The following DHX32 variants were observed in gnomAD, a reference collection of about 807,000 sequenced individuals.
DHX32 encodes DEAH-box helicase 32 (putative).
In DHX32, 51 loss-of-function variants were observed where a neutral mutation model predicts 70.0. The ratio of observed to expected loss-of-function variants is 0.73; its 90% CI spans 0.58 to 0.92. The LOEUF is 0.92. DHX32 is among the 40% of genes least tolerant of loss of function. The pLI is 0.00. For missense variants in DHX32, 762 were observed against 891.8 expected (o/e 0.85, Z 1.85); for synonymous variants, 310 against 315.3 (o/e 0.98, Z 0.18).
At chr10:125,895,347 T>A (rs934868887) in intron 1 of DHX32, among the ~76,000 whole-genome samples, 1 of 152,274 alleles carries the variant, frequency 6.6e-6, no homozygotes, top group Admixed American at 6.5e-5. Context: ...AAGTACTGTC[T>A]GGAGCAGCGG....
At chr10:125,892,357 T>A (rs1385867189) in intron 1 of DHX32, among the ~76,000 whole-genome samples, 1 of 152,312 alleles carries the variant, frequency 6.6e-6, no homozygotes, top group Non-Finnish European at 1.5e-5. Flanking sequence ...GTCATTTGAG[T>A]GTTGCCAGTG....
chr10:125,878,753 G>A (rs1449340890), intron 1 of DHX32, among the ~76,000 whole-genome samples: 1 of 150,280 alleles, frequency 6.7e-6, no homozygotes, highest in Non-Finnish European at 1.5e-5. Context: ...CTGTCACCCA[G>A]GCTGGAGTGC....
chr10:125,867,757 A>T (rs558094340), intron 1 of DHX32, among the ~76,000 whole-genome samples: 1 of 135,842 alleles, frequency 7.4e-6, no homozygotes, highest in Non-Finnish European at 1.7e-5. Flanking sequence ...AAAAAAAATC[A>T]AGGACAAAAA....
chr10:125,872,122 A>G (rs1471227309), intron 1 of DHX32, among the ~76,000 whole-genome samples: 3 of 152,150 alleles, frequency 2.0e-5, no homozygotes. Flanking sequence ...TCGGCCTCCC[A>G]AAGTGCTGGG....
intron 1 of DHX32, among the ~76,000 whole-genome samples, chr10:125,868,625 A>G (rs1419289154): frequency 2.0e-5 from 3 of 152,200 alleles, no homozygotes; most frequent in Admixed American, 6.5e-5. Flanking sequence ...ACTTTGTTCT[A>G]TGAAAGATGA....
Position 125,867,193 on chromosome 10 carries a change from GA to G in DHX32, c.283-11del. 1 of 1,579,494 alleles carries G rather than the reference GA, an allele frequency of 6.3e-7. No homozygotes were observed. The highest frequency in any genetic ancestry group is 8.6e-7 in the Non-Finnish European group (1 of 1,161,480). On this transcript the variant is annotated splice_polypyrimidine_tract_variant and intron_variant, in intron 1 of 10. Transcript: ENST00000284690. ...CACACCACTGAGGAACCTGTAGCAG[GA>G]AAAAATGAGACAGGATCAGCTTCTG...
rs775767179 is a variant in DHX32, at chr10:125,839,157, G to A, written c.1725C>T (p.Phe575=). The A allele has an allele frequency of 2.5e-6, 4 of 1,614,230 alleles. 1 individual carries two copies. Among genetic ancestry groups the A allele is most frequent in the South Asian group, 2.2e-5 (2 of 91,088 alleles). Reference sequence around the variant, plus strand: ...CCATTCTGAGTGCTGAACAGTTGAGGAAGTAATCACGACACCACTTTTCCA... The same window carrying A: ...CCATTCTGAGTGCTGAACAGTTGAGAAAGTAATCACGACACCACTTTTCCA... ...YCVEKWCRDY[F]LNCSALRMAD... Residue 575 remains phenylalanine (F), a synonymous_variant, in exon 9 of 11, where the codon TTC becomes TTT. Transcript: ENST00000284690.
chr10:125,871,629 T>C (rs1377483371), intron 1 of DHX32, among the ~76,000 whole-genome samples: 2 of 152,190 alleles, frequency 1.3e-5, no homozygotes, highest in Non-Finnish European at 2.9e-5. Context: ...TTACATGCCT[T>C]CTGAATCACT....
At chr10:125,859,532 G>A (rs1184924895) in intron 3 of DHX32, 71 bp downstream of exon 3, 1 of 1,477,574 alleles carries the variant, frequency 6.8e-7, no homozygotes, top group Admixed American at 2.4e-5. Context: ...ACTGAAACCT[G>A]TATGTTAGTT....
At chr10:125,890,318 T>C (rs1944363134) in intron 1 of DHX32, among the ~76,000 whole-genome samples, 1 of 152,284 alleles carries the variant, frequency 6.6e-6, no homozygotes, top group Non-Finnish European at 1.5e-5. Context: ...TAATCATTAC[T>C]AGGACTTTTA....
At chr10:125,885,789 T>A (rs1357582466), upstream of DHX32, among the ~76,000 whole-genome samples, 1 of 152,174 alleles carries the variant, frequency 6.6e-6, no homozygotes, top group Non-Finnish European at 1.5e-5. Flanking sequence ...AAGTGCCCCA[T>A]AACCTCTACT....
chr10:125,842,148 C>T, intron 6 of DHX32: 1 of 628,706 alleles, frequency 1.6e-6, no homozygotes, highest in East Asian at 3.5e-5. Flanking sequence ...AGCTCATGCT[C>T]CGAGGAGGGT....
At chr10:125,854,526 G>A (rs948609481) in intron 3 of DHX32, 1 of 190,468 alleles carries the variant, frequency 5.3e-6, no homozygotes, top group Non-Finnish European at 1.1e-5. Context: ...TCTAGCTTAT[G>A]TCTCTTTCCT....
intron 7 of DHX32, 54 bp downstream of exon 7, chr10:125,841,689 T>C (rs1301286786): frequency 1.5e-5 from 23 of 1,582,036 alleles, no homozygotes; most frequent in Non-Finnish European, 2.0e-5. Flanking sequence ...CCGATCTAAA[T>C]CTATACCTAG....
At chr10:125,859,037 GTTTGTTTGTTTT>G (rs1346528177) in intron 3 of DHX32, among the ~76,000 whole-genome samples, 4 of 135,244 alleles carry the variant, frequency 3.0e-5, no homozygotes, top group South Asian at 2.4e-4. Context: ...TTTTTTGTTT[GTTTGTTTGTTTT>G]TTTTTTTTTT....
upstream of DHX32, among the ~76,000 whole-genome samples, chr10:125,885,901 G>A (rs1290768841): frequency 6.6e-6 from 1 of 152,206 alleles, no homozygotes; most frequent in Non-Finnish European, 1.5e-5. Flanking sequence ...CAGGTCTCAA[G>A]CCTGCAGTCA....
chr10:125,890,780 A>C (rs1331243820), intron 1 of DHX32: 1 of 152,222 alleles, frequency 6.6e-6, no homozygotes, highest in East Asian at 1.9e-4. Flanking sequence ...GGTACTTAAA[A>C]AAATTTTAGG....
At chr10:125,868,881 G>A (rs1424652693) in intron 1 of DHX32, among the ~76,000 whole-genome samples, 2 of 152,094 alleles carry the variant, frequency 1.3e-5, no homozygotes, top group Non-Finnish European at 2.9e-5. Flanking sequence ...TCCACGGTGT[G>A]CTTCCCACCG....
chr10:125,852,245 A>G, intron 6 of DHX32, 48 bp downstream of exon 6: 1 of 1,599,648 alleles, frequency 6.3e-7, no homozygotes. Context: ...GGGCAGGAGA[A>G]GGTGAATCTC....
Sources: allele counts gnomAD v4.1 joint callset (sites outside exome capture counted in the v4.1 genomes callset), GRCh38; gene constraint gnomAD v4.1.1; transcripts MANE v1.5; gene names NCBI Gene and HGNC (gene_info 2026-07-23, HGNC 2026-07-21).